VPS11: variants seen among roughly 807,000 people sequenced by gnomAD.
The protein encoded by VPS11 is VPS11 core subunit of CORVET and HOPS complexes.
In VPS11, 51 loss-of-function variants were observed where a neutral mutation model predicts 106.8. That is an observed-to-expected ratio of 0.48 (90% CI 0.38 to 0.60). The LOEUF (loss-of-function observed/expected upper bound fraction) is 0.60, where lower values mean the gene tolerates loss of function less well. Ranked by LOEUF, VPS11 falls within the 20% of genes least tolerant of loss-of-function variation. The probability of loss-of-function intolerance (pLI) is 0.00; values close to 1 mark genes in which losing one functional copy is unlikely to be tolerated. For synonymous variants in VPS11, 453 were observed against 458.7 expected (o/e 0.99, Z 0.16); for missense variants, 950 against 1,190.0 (o/e 0.80, Z 2.97).
At chr11:119,073,994 A>G (rs782530815) in intron 7 of VPS11, 43 bp downstream of exon 7, 7 of 1,578,248 alleles carry the variant, frequency 4.4e-6, no homozygotes, top group African/African-American at 4.0e-5. Context: ...GAATGCAGGG[A>G]CAGGCAGCTA....
chr11:119,079,140 C>G lies in VPS11; in HGVS notation c.2278C>G (p.Leu760Val). 1.2e-6 allele frequency: 2 copies of G among 1,613,878 alleles called. No individual in the cohort carries two copies. Among genetic ancestry groups the G allele is most frequent in the Non-Finnish European group, 8.5e-7 (1 of 1,179,814 alleles). The part of the protein sequence containing the change: ...LMPPLLVVQT[L>V]AHNSTATLSV... ...GACCCCAATCTCAGTGGTGCAGACC[C>G]TGGCCCACAACTCCACAGCCACACT... The change falls in exon 14 of 16, where the codon CTG becomes GTG. Residue 760 changes from leucine to valine, a missense_variant. This residue lies in a region of VPS11 where 453 missense variants were observed against 514.6 expected (regional missense o/e 0.88). Coordinates refer to ENST00000621676, the MANE Select transcript of VPS11 (RefSeq NM_021729.6).
Position 119,073,799 on chromosome 11 carries a change from G to T in VPS11, c.1087-1G>T. ...ATTTTCTAATCTCTCTTCCCTTCTA[G>T]ATGCTGTTTAAGAAGAACCTATTTG... On this transcript the variant is annotated splice_acceptor_variant, in intron 6 of 15. Transcript: ENST00000621676. LOFTEE classifies it high-confidence loss of function. 6.2e-7 allele frequency: 1 copy of T among 1,602,410 alleles called. No individual in the cohort carries two copies. The highest frequency in any genetic ancestry group is 8.5e-7 in the Non-Finnish European group (1 of 1,170,026).
chr11:119,077,378 A>G (rs549604742), intron 8 of VPS11, 123 bp from the exon 9 acceptor site: 6 of 1,352,710 alleles, frequency 4.4e-6, no homozygotes, highest in African/African-American at 4.4e-5. Context: ...GCTGAGTAGC[A>G]TAATATTTTC....
At chr11:119,069,377 G>A (rs34159305) in intron 2 of VPS11, 33 bp downstream of exon 2, 13 of 1,613,804 alleles carry the variant, frequency 8.1e-6, no homozygotes, top group Non-Finnish European at 1.0e-5. Flanking sequence ...GAAAGATCCA[G>A]AAGCCTAGGA....
Position 119,073,354 on chromosome 11 carries a change from G to A in VPS11, c.1041G>A (p.Gly347=). ...CCCTGTACGTGCTGACGCGGGATGG[G>A]CGGGTCCACGCACTGCAGGAGAAGG... ...WGSLYVLTRD[G]RVHALQEKDT... Residue 347 remains glycine (G), a synonymous_variant, in exon 6 of 16, where the codon GGG becomes GGA. Transcript: ENST00000621676. 6.2e-7 allele frequency: 1 copy of A among 1,613,748 alleles called. No individual in the cohort carries two copies. The highest frequency in any genetic ancestry group is 8.5e-7 in the Non-Finnish European group (1 of 1,179,896).
At chr11:119,073,478 C>T in intron 6 of VPS11, 79 bp downstream of exon 6, 2 of 1,515,646 alleles carry the variant, frequency 1.3e-6, no homozygotes, top group Admixed American at 2.0e-5. Context: ...GTCATATTGG[C>T]CAGGGTGTTT....
Position 119,081,945 on chromosome 11 carries a change from A to G in VPS11, c.*322A>G, listed in dbSNP as rs992863465. 3.3e-5 allele frequency: 9 copies of G among 271,076 alleles called. 1 individual carries two copies. Among genetic ancestry groups the G allele is most frequent in the Admixed American group, 2.8e-4 (6 of 21,132 alleles). 16.8% of individuals were successfully genotyped at this position (271,076 alleles called of 1,614,324 possible). A position where few individuals can be genotyped will look rare whatever the true frequency, so the allele number is the denominator to read the frequency against. On this transcript the variant is annotated 3_prime_UTR_variant, in exon 16 of 16. Coordinates refer to ENST00000621676, the MANE Select transcript of VPS11 (RefSeq NM_021729.6). The stretch of plus-strand genomic sequence containing the variant: ...GCTTGGGTCCTTGCTCTCAGAGTCT[A>G]TAAATAAAAGAATATAATGATTTGG...
Position 119,071,641 on chromosome 11 carries a change from A to C in VPS11, c.682A>C (p.Thr228Pro). 1 of 1,613,984 alleles carries C rather than the reference A, an allele frequency of 6.2e-7. No individual in the cohort carries two copies. Among genetic ancestry groups the C allele is most frequent in the Non-Finnish European group, 8.5e-7 (1 of 1,179,886 alleles). The change falls in exon 5 of 16, where the codon ACC becomes CCC. Residue 228 changes from threonine (T) to proline (P), a missense_variant. Thr to Pro is a conservative substitution (Grantham distance 38). Transcript: ENST00000621676. ...GKDYPRVELDTHGCGLRCSAL... is the reference protein window; with the variant it reads ...GKDYPRVELDPHGCGLRCSAL... ...AGACTACCCTCGCGTGGAGTTGGAC[A>C]CCCATGGTTGTGGCCTGCGCTGCTC...
Position 119,069,209 on chromosome 11 carries a change from G to A in VPS11, c.201G>A (p.Gln67=), listed in dbSNP as rs782612821. ...GSLVFGDMEG[Q]IWFLPRSLQL... is the part of the protein sequence containing the mutation. ...ACTACCCTGCACATATGGAAGGCCAGATCTGGTTCTTGCCACGTTCCCTAC... is the reference window on the plus strand; with the variant it reads ...ACTACCCTGCACATATGGAAGGCCAAATCTGGTTCTTGCCACGTTCCCTAC... Residue 67 remains glutamine (Q), a synonymous_variant, in exon 2 of 16, where the codon CAG becomes CAA. Coordinates refer to ENST00000621676, the MANE Select transcript of VPS11 (RefSeq NM_021729.6). 2 of 1,613,968 alleles carry A rather than the reference G, an allele frequency of 1.2e-6. No homozygotes were observed. The highest frequency in any genetic ancestry group is 1.1e-5 in the South Asian group (1 of 91,084).
intron 6 of VPS11, 122 bp downstream of exon 6, chr11:119,073,521 C>T (rs955360003): frequency 3.2e-6 from 4 of 1,261,766 alleles, no homozygotes; most frequent in Admixed American, 4.9e-5. Context: ...TACTCAGCTT[C>T]CTTAGGGTAG....
rs2133639950 is a variant in VPS11 at position 119,067,968 on chromosome 11, A to G, written c.145A>G (p.Ile49Val). The G allele has an allele frequency of 2.5e-6, 4 of 1,612,864 alleles. No homozygotes were observed. The African/African-American group carries it at 5.3e-5, about 22-fold the overall frequency. Residue 49 changes from isoleucine (I) to valine (V), a missense_variant, in exon 1 of 16, where the codon ATC becomes GTC. By Grantham distance (29) the Ile-to-Val change is conservative. Around this residue, in one of 3 missense-constraint regions of VPS11, gnomAD observed 435 missense variants for 630.2 expected, o/e 0.69. Coordinates refer to ENST00000621676, the MANE Select transcript of VPS11 (RefSeq NM_021729.6). ...CAAGTTCCTTTGCCTCCCTCCTGGC[A>G]TCACTGTCTGCGACTCAGGCCGAGG... is the stretch of plus-strand genomic sequence containing the variant. ...ASKFLCLPPGITVCDSGRGSL... is the reference protein window; with the variant it reads ...ASKFLCLPPGVTVCDSGRGSL...
At chr11:119,071,928 A>C (rs1614264) in intron 5 of VPS11, 85 bp downstream of exon 5, 619,029 of 1,522,100 alleles carry the variant, frequency 0.41, 130,793 homozygotes, top group African/African-American at 0.67. Context: ...ATGCCTGGAT[A>C]CTGCCAATCT....
chr11:119,075,615 G>A (rs1945580003), intron 7 of VPS11, among the ~76,000 whole-genome samples: 1 of 151,566 alleles, frequency 6.6e-6, no homozygotes, highest in Non-Finnish European at 1.5e-5. Context: ...ACTTTGGGAG[G>A]CTGAGGCAGG....
chr11:119,074,329 G>A (rs1329718000), intron 7 of VPS11, among the ~76,000 whole-genome samples: 1 of 152,082 alleles, frequency 6.6e-6, no homozygotes. Context: ...CAGGTGATCT[G>A]CCCGCTTCAG....
At chr11:119,070,458 GA>G (rs1358144519) in intron 4 of VPS11, 61 bp downstream of exon 4, 2 of 1,506,456 alleles carry the variant, frequency 1.3e-6, no homozygotes, top group Admixed American at 4.1e-5. Context: ...TGTTCAGGGG[GA>G]TAGGGTAATG....
Position 119,081,962 on chromosome 11 carries a change from A to C in VPS11, c.*339A>C. ...CAGAGTCTATAAATAAAAGAATATA[A>C]TGATTTGGGAGCTTAAGGATTTTTT... On this transcript the variant is annotated 3_prime_UTR_variant, in exon 16 of 16. Coordinates refer to ENST00000621676, the MANE Select transcript of VPS11 (RefSeq NM_021729.6). 1.9e-5 allele frequency: 4 copies of C among 210,064 alleles called. No individual in the cohort carries two copies. Among genetic ancestry groups the C allele is most frequent in the Non-Finnish European group, 3.8e-5 (4 of 104,496 alleles). The allele number at this position is 210,064 out of a possible 1,614,324, so 13.0% of individuals were successfully genotyped here. A position where few individuals can be genotyped will look rare whatever the true frequency, so the allele number is the denominator to read the frequency against.
chr11:119,070,339 C>T lies in VPS11; in HGVS notation c.578C>T (p.Ala193Val). ...HKGNYPVTGL[A>V]FRQAGKTTHL... is the part of the protein sequence containing the mutation. ...GGCAACTATCCTGTAACTGGATTGG[C>T]CTTTCGCCAAGCAGGAAAGACCACT... is the stretch of plus-strand genomic sequence containing the variant. Residue 193 changes from alanine to valine, a missense_variant, in exon 4 of 16, where the codon GCC (alanine) becomes GTC (valine). Ala to Val is a moderately conservative substitution (Grantham distance 64, BLOSUM62 0). Around this residue, in one of 3 missense-constraint regions of VPS11, gnomAD observed 435 missense variants for 630.2 expected, o/e 0.69. Transcript: ENST00000621676. The T allele has an allele frequency of 6.2e-7, 1 of 1,613,304 alleles. No individual in the cohort carries two copies. The highest frequency in any genetic ancestry group is 8.5e-7 in the Non-Finnish European group (1 of 1,179,554).
chr11:119,081,832 C>G lies in VPS11; in HGVS notation c.*209C>G. 1.5e-6 allele frequency: 1 copy of G among 661,198 alleles called. No homozygotes were observed. Among genetic ancestry groups the G allele is most frequent in the Non-Finnish European group, 2.5e-6 (1 of 401,452 alleles). 41.0% of individuals were successfully genotyped at this position (661,198 alleles called of 1,614,324 possible). A position where few individuals can be genotyped will look rare whatever the true frequency, so the allele number is the denominator to read the frequency against. Reference sequence around the variant, plus strand: ...CCTCCTCTTCACTAGCAGTGTAGATCATTCCAGATCAGTGGGGGAGGGCAC... The same window carrying G: ...CCTCCTCTTCACTAGCAGTGTAGATGATTCCAGATCAGTGGGGGAGGGCAC... On this transcript the variant is annotated 3_prime_UTR_variant, in exon 16 of 16. Coordinates refer to ENST00000621676, the MANE Select transcript of VPS11 (RefSeq NM_021729.6).
Position 119,078,348 on chromosome 11 carries a change from A to G in VPS11, c.1923+14A>G. The G allele has an allele frequency of 6.2e-7, 1 of 1,606,272 alleles. No individual in the cohort carries two copies. The highest frequency in any genetic ancestry group is 8.5e-7 in the Non-Finnish European group (1 of 1,179,266). Reference sequence around the variant, plus strand: ...AAGGATCCACAGGTGAGGCCTGGCCAGGGCTTCAGGAGAAAAGACAGTTCG... The same window carrying G: ...AAGGATCCACAGGTGAGGCCTGGCCGGGGCTTCAGGAGAAAAGACAGTTCG... On this transcript the variant is annotated intron_variant, in intron 11 of 15. Transcript: ENST00000621676.
Sources: gnomAD v4.1 joint callset for allele counts (sites outside exome capture counted in the v4.1 genomes callset) on GRCh38, gnomAD v4.1.1 for gene constraint, gnomAD v4.1.1 regional missense constraint, MANE v1.5 for transcripts, NCBI Gene and HGNC (gene_info 2026-07-23, HGNC 2026-07-21) for gene names.